The following RDX variants were observed in gnomAD, a reference collection of about 807,000 sequenced individuals.
RDX encodes the protein radixin.
RDX carries 32 observed loss-of-function variants against 83.7 expected under a neutral mutation model. The ratio of observed to expected loss-of-function variants is 0.38; its 90% CI spans 0.29 to 0.51. RDX has a LOEUF of 0.51. Ranked by LOEUF, RDX falls within the 20% of genes least tolerant of loss-of-function variation. RDX has a pLI of 0.87. For synonymous variants in RDX, 229 were observed against 222.7 expected (o/e 1.03, Z -0.25); for missense variants, 600 against 689.9 (o/e 0.87, Z 1.46).
At position 110,296,558 on chromosome 11, in the gene RDX, GC is replaced by G. The variant is rs1254849822; in HGVS notation, c.-157del. 2 of 151,382 alleles carry G rather than the reference GC, an allele frequency of 1.3e-5. No individual in the cohort carries two copies. The highest frequency in any genetic ancestry group is 1.3e-4 in the Admixed American group (2 of 15,190). The allele number at this position is 151,382 out of a possible 1,614,324, so 9.4% of individuals were successfully genotyped here. On this transcript the variant is annotated 5_prime_UTR_variant, in exon 1 of 14. Coordinates refer to ENST00000645495, the MANE Select transcript of RDX (RefSeq NM_002906.4). The stretch of plus-strand genomic sequence containing the variant: ...CAGGGAGGGAGAAGCGGTGGTGCGA[GC>G]GCTGGCCCGCGGGAGACGAGAGGCG...
At chr11:110,281,805 C>G (rs1313479634) in intron 1 of RDX, among the ~76,000 whole-genome samples, 1 of 151,804 alleles carries the variant, frequency 6.6e-6, no homozygotes, top group Non-Finnish European at 1.5e-5. Flanking sequence ...CATCTCAGGT[C>G]TTGATTAAAA....
At position 110,232,446 on chromosome 11, in the gene RDX, T is replaced by C. The variant is rs1401003103; in HGVS notation, c.1588-413A>G. ...TTAAAGATTTTAACAATTAAAATAT[T>C]AGATAACTTATTGGGAAAAAAGAAA... On this transcript the variant is annotated intron_variant, in intron 13 of 13. Coordinates refer to ENST00000645495, the MANE Select transcript of RDX (RefSeq NM_002906.4). 2.0e-5 allele frequency among the ~76,000 whole-genome samples: 3 copies of C among 152,258 alleles called. No homozygotes were observed. The East Asian group carries it at 5.8e-4, about 29-fold the overall frequency.
At chr11:110,290,647 T>A (rs1440733500) in intron 1 of RDX, among the ~76,000 whole-genome samples, 9 of 152,188 alleles carry the variant, frequency 5.9e-5, no homozygotes, top group African/African-American at 1.7e-4. Flanking sequence ...ATAATAACTG[T>A]CCAAATGTAC....
chr11:110,225,904 A>AG (rs1218945486), downstream of RDX, among the ~76,000 whole-genome samples: 1 of 151,700 alleles, frequency 6.6e-6, no homozygotes, highest in Non-Finnish European at 1.5e-5. Flanking sequence ...AAGAAGAAGA[A>AG]AAAAATACAA....
intron 3 of RDX, among the ~76,000 whole-genome samples, chr11:110,266,139 AC>A (rs1382713533): frequency 1.3e-5 from 2 of 151,308 alleles, no homozygotes; most frequent in Non-Finnish European, 2.9e-5. Context: ...CCTGACTAAC[AC>A]GGTGAAACTT....
chr11:110,207,863 T>C (rs1001575290), intron 14 of RDX, among the ~76,000 whole-genome samples: 1 of 152,250 alleles, frequency 6.6e-6, no homozygotes, highest in Non-Finnish European at 1.5e-5. Flanking sequence ...TTGCTCTAAT[T>C]TGATAGAATC....
intron 15 of RDX, among the ~76,000 whole-genome samples, chr11:110,192,888 G>A (rs1433814716): frequency 6.6e-6 from 1 of 152,132 alleles, no homozygotes; most frequent in East Asian, 1.9e-4. Context: ...GTGAGGTGTG[G>A]AGAAAGAGAA....
In RDX at chr11:110,229,988, T is replaced by C. The variant is rs558009916; in HGVS notation, c.*1881A>G. The C allele has an allele frequency of 6.5e-6, 1 of 152,672 alleles. No homozygotes were observed. Among genetic ancestry groups the C allele is most frequent in the Admixed American group, 6.5e-5 (1 of 15,294 alleles). The allele number at this position is 152,672 out of a possible 1,614,324, so 9.5% of individuals were successfully genotyped here. ...CTCTTCCATAGGATTCTGAAGCATGTGCACAACCATGGTACAACAGTCACT... is the reference window on the plus strand; with the variant it reads ...CTCTTCCATAGGATTCTGAAGCATGCGCACAACCATGGTACAACAGTCACT... On this transcript the variant is annotated 3_prime_UTR_variant, in exon 14 of 14. Coordinates refer to ENST00000645495, the MANE Select transcript of RDX (RefSeq NM_002906.4).
intron 14 of RDX, among the ~76,000 whole-genome samples, chr11:110,218,361 AT>A (rs910154583): frequency 3.3e-5 from 5 of 152,096 alleles, no homozygotes; most frequent in Non-Finnish European, 7.4e-5. Context: ...ATCGTAATAG[AT>A]TTTTTTCCCC....
At chr11:110,183,715 C>T (rs1482998485) in intron 15 of RDX, among the ~76,000 whole-genome samples, 1 of 152,218 alleles carries the variant, frequency 6.6e-6, no homozygotes, top group African/African-American at 2.4e-5. Flanking sequence ...CTGTTCACTT[C>T]TGTCCCTCAT....
intron 14 of RDX, among the ~76,000 whole-genome samples, chr11:110,222,593 G>A (rs1457420425): frequency 6.6e-6 from 1 of 152,120 alleles, no homozygotes; most frequent in African/African-American, 2.4e-5. Context: ...TCAGGAAATC[G>A]AGACCATCCC....
chr11:110,280,166 A>AT (rs1860697660), intron 1 of RDX, among the ~76,000 whole-genome samples: 2 of 152,250 alleles, frequency 1.3e-5, no homozygotes, highest in Admixed American at 1.3e-4. Context: ...TACTTATTCA[A>AT]TGTTTTTTTT....
chr11:110,186,800 G>A lies in RDX; in HGVS notation c.*32-11566C>T, dbSNP rs148525282. Among the ~76,000 whole-genome samples the A allele has an allele frequency of 2.5e-3, 380 of 152,270 alleles. 1 individual carries two copies. Among genetic ancestry groups the A allele is most frequent in the African/African-American group, 8.6e-3 (356 of 41,548 alleles). ...AAGTGGCAGATATTTTCCCAGACCC[G>A]GGATCAAGAGAAGGATGCCACTTTT... On this transcript the variant is annotated intron_variant, in intron 15 of 15. Transcript: ENST00000528498.
At chr11:110,260,666 C>T (rs79258452) in intron 5 of RDX, among the ~76,000 whole-genome samples, 4,180 of 152,254 alleles carry the variant, frequency 0.027, 88 homozygotes, top group Non-Finnish European at 0.043. Flanking sequence ...AGTTGTCCCT[C>T]CATATCCATA....
chr11:110,249,021 G>T (rs1392956514), intron 9 of RDX, among the ~76,000 whole-genome samples: 1 of 152,088 alleles, frequency 6.6e-6, no homozygotes, highest in East Asian at 1.9e-4. Flanking sequence ...TGATGAGAGT[G>T]TTTCTTTTAA....
intron 14 of RDX, among the ~76,000 whole-genome samples, chr11:110,201,083 G>A (rs995881067): frequency 1.3e-5 from 2 of 150,592 alleles, no homozygotes; most frequent in Non-Finnish European, 2.9e-5. Flanking sequence ...GGCTGAGGTA[G>A]GAGAATCGCT....
intron 5 of RDX, 123 bp downstream of exon 5, chr11:110,263,837 C>CA: frequency 2.4e-6 from 2 of 839,256 alleles, no homozygotes; most frequent in Non-Finnish European, 3.7e-6. Flanking sequence ...CACTGCACTC[C>CA]AGCATGGGTG....
At chr11:110,261,822 A>G (rs1357216244) in intron 5 of RDX, among the ~76,000 whole-genome samples, 1 of 152,220 alleles carries the variant, frequency 6.6e-6, no homozygotes, top group African/African-American at 2.4e-5. Context: ...CTTTTTAAAT[A>G]GAGTAGGTTA....
chr11:110,255,244 A>G, intron 8 of RDX, 45 bp downstream of exon 8: 1 of 975,818 alleles, frequency 1.0e-6, no homozygotes. Context: ...GGAAACTAGC[A>G]GATATTAAAC....
Sources: allele counts gnomAD v4.1 joint callset (sites outside exome capture counted in the v4.1 genomes callset), GRCh38; gene constraint gnomAD v4.1.1; transcripts MANE v1.5; gene names NCBI Gene and HGNC (gene_info 2026-07-23, HGNC 2026-07-21).